The following TENM3 variants were observed in gnomAD, a reference collection of about 807,000 sequenced individuals.
The protein encoded by TENM3 is teneurin-3.
In TENM3, 63 loss-of-function variants were observed where a neutral mutation model predicts 255.1. That is an observed-to-expected ratio of 0.25 (90% CI 0.20 to 0.30). The LOEUF (loss-of-function observed/expected upper bound fraction) is 0.30, where lower values mean the gene tolerates loss of function less well. Ranked by LOEUF, TENM3 falls within the 10% of genes least tolerant of loss-of-function variation. The pLI is 1.00. For synonymous variants in TENM3, 1,306 were observed against 1,322.3 expected, an observed-to-expected ratio of 0.99 and a Z score of 0.27; for missense variants, 2,929 against 3,461.1, an observed-to-expected ratio of 0.85 and a Z score of 3.86.
chr4:182,647,594 A>G (rs1752866428), intron 5 of TENM3, among the ~76,000 whole-genome samples: 1 of 152,196 alleles, frequency 6.6e-6, no homozygotes. Context: ...CATTGTGTGT[A>G]TATACCACAG....
At chr4:182,677,925 T>A (rs1248102824) in intron 7 of TENM3, among the ~76,000 whole-genome samples, 2 of 152,176 alleles carry the variant, frequency 1.3e-5, no homozygotes, top group African/African-American at 4.8e-5. Context: ...CCAGTTTGAT[T>A]GGATTAAGAG....
At chr4:182,074,281 G>T in the TENM3 span, among the ~76,000 whole-genome samples, 1 of 152,122 alleles carries the variant, frequency 6.6e-6, no homozygotes, top group South Asian at 2.1e-4. Flanking sequence ...TGGAGCTGTG[G>T]GTGCATCAGC....
the TENM3 span, among the ~76,000 whole-genome samples, chr4:181,930,388 C>A: frequency 1.3e-5 from 2 of 152,184 alleles, no homozygotes; most frequent in Non-Finnish European, 2.9e-5. Context: ...ACTACAAACA[C>A]CTCTAGGCAA....
At chr4:181,833,708 T>A in the TENM3 span, among the ~76,000 whole-genome samples, 1 of 144,636 alleles carries the variant, frequency 6.9e-6, no homozygotes, top group South Asian at 2.3e-4. Context: ...CTACTTCTTC[T>A]CTGGAAACTT....
At chr4:182,152,012 G>C (rs1701024994) in intron 1 of TENM3, among the ~76,000 whole-genome samples, 1 of 151,956 alleles carries the variant, frequency 6.6e-6, no homozygotes, top group African/African-American at 2.4e-5. Flanking sequence ...GTAATAGTGA[G>C]AACAAGTTGA....
chr4:182,421,530 A>G (rs1014789576), intron 3 of TENM3, among the ~76,000 whole-genome samples: 1 of 152,200 alleles, frequency 6.6e-6, no homozygotes, highest in Non-Finnish European at 1.5e-5. Flanking sequence ...CAAAGAATCC[A>G]GAAGAGAAGA....
chr4:181,644,683 C>CT, the TENM3 span, among the ~76,000 whole-genome samples: 1 of 151,054 alleles, frequency 6.6e-6, no homozygotes, highest in East Asian at 2.0e-4. Context: ...TGGCTTATTG[C>CT]TTTTTTTTGT....
the TENM3 span, among the ~76,000 whole-genome samples, chr4:181,752,640 T>G: frequency 6.6e-6 from 1 of 152,220 alleles, no homozygotes; most frequent in Non-Finnish European, 1.5e-5. Context: ...GGTATCATTT[T>G]ATTTTTTTGG....
chr4:181,979,107 TA>T, the TENM3 span, among the ~76,000 whole-genome samples: 4 of 14,038 alleles, frequency 2.8e-4, no homozygotes, highest in African/African-American at 1.3e-3. Flanking sequence ...CATATATATA[TA>T]TATATATATA....
the TENM3 span, among the ~76,000 whole-genome samples, chr4:181,582,038 T>C: frequency 6.6e-6 from 1 of 152,188 alleles, no homozygotes; most frequent in Non-Finnish European, 1.5e-5. Context: ...TGGCCCCGCC[T>C]TACATTTACT....
intron 1 of TENM3, among the ~76,000 whole-genome samples, chr4:182,199,720 CTTTTT>C (rs367906246): frequency 1.6e-4 from 17 of 104,842 alleles, no homozygotes; most frequent in South Asian, 3.8e-4. Flanking sequence ...AACATCATTG[CTTTTT>C]TTTTTTTTTT....
the TENM3 span, among the ~76,000 whole-genome samples, chr4:181,815,656 C>T: frequency 9.1e-4 from 139 of 152,180 alleles, 1 homozygote; most frequent in African/African-American, 3.3e-3. Context: ...AAGAGACCCT[C>T]CACTGATCAC....
chr4:182,794,730 G>C (rs1766364845), intron 26 of TENM3, among the ~76,000 whole-genome samples: 1 of 152,244 alleles, frequency 6.6e-6, no homozygotes, highest in African/African-American at 2.4e-5. Context: ...TAGAACATCA[G>C]ATCCCACTTC....
At chr4:182,312,608 C>G (rs1762521507) in intron 1 of TENM3, among the ~76,000 whole-genome samples, 1 of 152,196 alleles carries the variant, frequency 6.6e-6, no homozygotes, top group Non-Finnish European at 1.5e-5. Flanking sequence ...TTACTTTTCC[C>G]TCTGAACCAG....
the TENM3 span, among the ~76,000 whole-genome samples, chr4:181,593,773 C>T: frequency 6.6e-6 from 1 of 152,168 alleles, no homozygotes. Context: ...CATGTGAAAG[C>T]TGGGAGACAG....
the TENM3 span, among the ~76,000 whole-genome samples, chr4:181,836,137 A>G: frequency 6.6e-6 from 1 of 151,658 alleles, no homozygotes; most frequent in Non-Finnish European, 1.5e-5. Context: ...ATCTTTTCCA[A>G]TACCATTCTG....
chr4:181,974,475 G>C, the TENM3 span, among the ~76,000 whole-genome samples: 5 of 152,122 alleles, frequency 3.3e-5, no homozygotes, highest in African/African-American at 4.8e-5. Context: ...GGCTGAGGCA[G>C]GAGAATCGCT....
the TENM3 span, among the ~76,000 whole-genome samples, chr4:181,778,551 T>C: frequency 0.016 from 2,384 of 152,274 alleles, 73 homozygotes; most frequent in African/African-American, 0.055. Context: ...TGACTCAGTG[T>C]CTTTATGATG....
the TENM3 span, among the ~76,000 whole-genome samples, chr4:181,454,604 T>G: frequency 6.7e-6 from 1 of 148,826 alleles, no homozygotes; most frequent in Non-Finnish European, 1.5e-5. Context: ...CAATTTTTTT[T>G]TTTTAACCAT....
Sources: gnomAD v4.1 joint callset for allele counts (sites outside exome capture counted in the v4.1 genomes callset) on GRCh38, gnomAD v4.1.1 for gene constraint, MANE v1.5 for transcripts, NCBI Gene and HGNC (gene_info 2026-07-23, HGNC 2026-07-21) for gene names.